Variants in SMG6 observed in about 807,000 individuals in gnomAD.
SMG6 encodes the protein SMG6 nonsense mediated mRNA decay factor.
A neutral mutation model predicts 142.2 loss-of-function variants in SMG6; 66 were observed. That is an observed-to-expected ratio of 0.46 (90% CI 0.38 to 0.57). SMG6 has a LOEUF of 0.57. Ranked by LOEUF, SMG6 falls within the 20% of genes least tolerant of loss-of-function variation. The pLI is 0.00. For synonymous variants in SMG6, 779 were observed against 702.4 expected (o/e 1.11, Z -1.72); for missense variants, 1,793 against 1,832.0 (o/e 0.98, Z 0.39).
intron 12 of SMG6, among the ~76,000 whole-genome samples, chr17:2,173,845 C>CTTTTTTT (rs35215989): frequency 1.3e-5 from 1 of 74,804 alleles, no homozygotes; most frequent in Non-Finnish European, 2.6e-5. Context: ...ATCCATAAAG[C>CTTTTTTT]TTTTTTTTTT....
At chr17:2,165,021 A>G (rs1170161874) in intron 13 of SMG6, among the ~76,000 whole-genome samples, 2 of 152,210 alleles carry the variant, frequency 1.3e-5, no homozygotes, top group Non-Finnish European at 2.9e-5. Flanking sequence ...TAGAGATTGA[A>G]GACATAAACC....
intron 16 of SMG6, among the ~76,000 whole-genome samples, chr17:2,066,298 G>A (rs2067943413): frequency 2.6e-5 from 4 of 151,466 alleles, no homozygotes; most frequent in Admixed American, 6.6e-5. Flanking sequence ...GTCTGTGTGC[G>A]TGTGTACATG....
At chr17:2,166,526 C>T (rs2071343620) in intron 13 of SMG6, among the ~76,000 whole-genome samples, 1 of 152,198 alleles carries the variant, frequency 6.6e-6, no homozygotes, top group Non-Finnish European at 1.5e-5. Context: ...GGCACAATCA[C>T]AGCTCACTGC....
rs562199292 is a variant in SMG6, at chr17:2,182,900, G to C, written c.3155+3763C>G. Among the ~76,000 whole-genome samples the C allele has an allele frequency of 5.9e-5, 9 of 151,810 alleles. No individual in the cohort carries two copies. In the South Asian group the frequency reaches 1.9e-3, roughly 32 times the overall value. ...AGAGGGAAACGAGAAATGGCCAGGGGGGTGGGGTGGGCAGGGGTGAAACAG... is the reference window on the plus strand; with the variant it reads ...AGAGGGAAACGAGAAATGGCCAGGGCGGTGGGGTGGGCAGGGGTGAAACAG... On this transcript the variant is annotated intron_variant, in intron 12 of 18. Coordinates refer to ENST00000263073, the MANE Select transcript of SMG6 (RefSeq NM_017575.5).
chr17:2,187,327 C>A (rs535934883), intron 11 of SMG6, among the ~76,000 whole-genome samples: 2 of 152,200 alleles, frequency 1.3e-5, no homozygotes, highest in African/African-American at 4.8e-5. Context: ...CTAAATGCAA[C>A]GTGTGCTCCT....
intron 13 of SMG6, among the ~76,000 whole-genome samples, chr17:2,157,694 T>G (rs1480481783): frequency 6.6e-6 from 1 of 152,206 alleles, no homozygotes; most frequent in Non-Finnish European, 1.5e-5. Context: ...GGCTTAACTT[T>G]GTAGTAAAGT....
At chr17:2,105,733 A>G (rs2069139371) in intron 13 of SMG6, among the ~76,000 whole-genome samples, 1 of 152,190 alleles carries the variant, frequency 6.6e-6, no homozygotes, top group South Asian at 2.1e-4. Context: ...CCTGCCCTAA[A>G]AAGAGTTCTA....
rs748825555 is a variant in SMG6, at chr17:2,299,597, C to G, written c.1156G>C (p.Gly386Arg). The G allele has an allele frequency of 2.5e-6, 4 of 1,614,056 alleles. No homozygotes were observed. Among genetic ancestry groups the G allele is most frequent in the Non-Finnish European group, 1.7e-6 (2 of 1,180,026 alleles). Residue 386 changes from glycine (G) to arginine (R), a missense_variant, in exon 2 of 19, where the codon GGC becomes CGC. Transcript: ENST00000263073. The surrounding 1 kb of genome is among the most constrained non-coding windows in gnomAD (Gnocchi z 4.3). The part of the protein sequence containing the change: ...GKPDKGLSSG[G>R]KGSEKQESKN... ...GACTCCTGCTTCTCAGAGCCTTTGC[C>G]CCCACTGCTCAAGCCTTTGTCAGGC...
At chr17:2,172,932 G>T in intron 12 of SMG6, 73 bp from the exon 13 acceptor site, 1 of 1,386,468 alleles carries the variant, frequency 7.2e-7, no homozygotes, top group Non-Finnish European at 1.0e-6. Flanking sequence ...CAGTATTTGT[G>T]AGCAGGGAAG....
At chr17:2,143,580 G>C (rs974773359) in intron 13 of SMG6, among the ~76,000 whole-genome samples, 3 of 152,142 alleles carry the variant, frequency 2.0e-5, no homozygotes, top group African/African-American at 7.2e-5. Flanking sequence ...TAGGAAGAAG[G>C]GAAAATGGAG....
intron 13 of SMG6, among the ~76,000 whole-genome samples, chr17:2,103,003 T>A (rs2151477171): frequency 6.6e-6 from 1 of 152,372 alleles, no homozygotes; most frequent in South Asian, 2.1e-4. Context: ...CTCCATTGTG[T>A]GTATGTCCCA....
intron 10 of SMG6, among the ~76,000 whole-genome samples, chr17:2,195,519 T>A (rs1274537784): frequency 6.6e-6 from 1 of 152,198 alleles, no homozygotes; most frequent in South Asian, 2.1e-4. Context: ...AAGAGCTATG[T>A]CAAGACTTCA....
chr17:2,206,343 T>C (rs1263925651), intron 10 of SMG6, among the ~76,000 whole-genome samples: 3 of 151,082 alleles, frequency 2.0e-5, no homozygotes, highest in South Asian at 2.1e-4. Flanking sequence ...CCCAGCACTT[T>C]GGGAGGCCGA....
chr17:2,121,493 T>C (rs1424748780), intron 13 of SMG6, among the ~76,000 whole-genome samples: 1 of 152,114 alleles, frequency 6.6e-6, no homozygotes, highest in African/African-American at 2.4e-5. Flanking sequence ...AGCTTGCCTC[T>C]GGGGACAGAG....
chr17:2,271,755 T>C (rs2074547417), intron 8 of SMG6, among the ~76,000 whole-genome samples: 1 of 152,142 alleles, frequency 6.6e-6, no homozygotes, highest in Admixed American at 6.6e-5. Context: ...TAAATTTTTT[T>C]TAATTAAAAA....
intron 10 of SMG6, among the ~76,000 whole-genome samples, chr17:2,193,430 C>T (rs114154182): frequency 3.1e-3 from 471 of 152,182 alleles, no homozygotes; most frequent in African/African-American, 0.01. Flanking sequence ...AATGCAAGAA[C>T]GGCCTAATGC....
intron 10 of SMG6, among the ~76,000 whole-genome samples, chr17:2,226,218 T>C (rs1259984109): frequency 7.4e-5 from 11 of 149,326 alleles, no homozygotes; most frequent in Non-Finnish European, 8.9e-5. Flanking sequence ...GAGGTTGCAG[T>C]GAGCCAAGAT....
At chr17:2,261,769 C>G (rs1302667140) in intron 8 of SMG6, among the ~76,000 whole-genome samples, 1 of 152,208 alleles carries the variant, frequency 6.6e-6, no homozygotes, top group Non-Finnish European at 1.5e-5. Flanking sequence ...GAATGCAACC[C>G]ATAAGATCTC....
intron 8 of SMG6, among the ~76,000 whole-genome samples, chr17:2,274,287 T>C (rs1291165276): frequency 6.6e-6 from 1 of 152,220 alleles, no homozygotes; most frequent in Non-Finnish European, 1.5e-5. Context: ...AGTGTATTCA[T>C]CTTTACAATC....
Sources: allele counts gnomAD v4.1 joint callset (sites outside exome capture counted in the v4.1 genomes callset), GRCh38; gene constraint gnomAD v4.1.1; non-coding constraint Gnocchi (gnomAD v3.1); transcripts MANE v1.5; gene names NCBI Gene and HGNC (gene_info 2026-07-23, HGNC 2026-07-21).